Variants in MAL observed in about 807,000 individuals in gnomAD.
MAL encodes mal, T cell differentiation protein (MAL blood group).
A neutral mutation model predicts 16.7 loss-of-function variants in MAL; 5 were observed. The ratio of observed to expected loss-of-function variants is 0.30; its 90% CI spans 0.16 to 0.63. The LOEUF is 0.63. MAL is among the 30% of genes least tolerant of loss of function. The probability of loss-of-function intolerance (pLI) is 0.82; values close to 1 mark genes in which losing one functional copy is unlikely to be tolerated. For missense variants in MAL, 202 were observed against 195.8 expected (o/e 1.03, Z -0.19); for synonymous variants, 96 against 85.5 (o/e 1.12, Z -0.67).
intron 3 of MAL, chr2:95,051,501 A>G (rs763902386): frequency 1.3e-5 from 2 of 152,374 alleles, no homozygotes; most frequent in South Asian, 2.1e-4. Flanking sequence ...TGAACTTCAT[A>G]TAAGTGGAAT....
At chr2:95,027,543 G>A (rs1385769304) in intron 1 of MAL, among the ~76,000 whole-genome samples, 2 of 152,154 alleles carry the variant, frequency 1.3e-5, no homozygotes, top group Non-Finnish European at 2.9e-5. Flanking sequence ...TAGATTAGGG[G>A]TGGGCTCGCA....
chr2:95,039,963 T>A (rs539324893), intron 1 of MAL, among the ~76,000 whole-genome samples: 25 of 152,270 alleles, frequency 1.6e-4, no homozygotes, highest in African/African-American at 6.0e-4. Context: ...GCCTTCAGCA[T>A]TTAGGGGTCT....
intron 1 of MAL, among the ~76,000 whole-genome samples, chr2:95,038,632 C>G (rs867759280): frequency 2.4e-3 from 192 of 78,988 alleles, no homozygotes; most frequent in Middle Eastern, 0.015. Flanking sequence ...GAGTGAGTGA[C>G]TGAGTGACTG....
At chr2:95,042,947 C>T (rs576631572) in intron 1 of MAL, among the ~76,000 whole-genome samples, 1 of 152,316 alleles carries the variant, frequency 6.6e-6, no homozygotes, top group Admixed American at 6.5e-5. Context: ...TGGAGCAGGG[C>T]AGGAACCAGA....
intron 1 of MAL, among the ~76,000 whole-genome samples, chr2:95,035,446 C>A (rs1246406874): frequency 2.0e-5 from 3 of 152,084 alleles, no homozygotes; most frequent in Non-Finnish European, 4.4e-5. Flanking sequence ...ATTTGTGGAT[C>A]TGAGAGGAGT....
chr2:95,047,072 C>T (rs1283409198), intron 1 of MAL, among the ~76,000 whole-genome samples: 1 of 151,984 alleles, frequency 6.6e-6, no homozygotes, highest in Non-Finnish European at 1.5e-5. Context: ...GGGCAGGGGA[C>T]TACTGACAGT....
chr2:95,038,640 CTGAG>C (rs1177808717), intron 1 of MAL, among the ~76,000 whole-genome samples: 4 of 70,162 alleles, frequency 5.7e-5, no homozygotes, highest in Non-Finnish European at 9.0e-5. Flanking sequence ...GACTGAGTGA[CTGAG>C]TGAGTGAGTG....
chr2:95,047,422 A>T (rs1674615779), intron 1 of MAL, among the ~76,000 whole-genome samples: 1 of 152,216 alleles, frequency 6.6e-6, no homozygotes, highest in Non-Finnish European at 1.5e-5. Flanking sequence ...TTAAACCCAT[A>T]TTTAAAAAGT....
At chr2:95,038,652 G>GTGAC (rs1674332076) in intron 1 of MAL, among the ~76,000 whole-genome samples, 1 of 151,340 alleles carries the variant, frequency 6.6e-6, no homozygotes, top group Non-Finnish European at 1.5e-5. Context: ...GAGTGAGTGA[G>GTGAC]TGACTGTGTG....
intron 1 of MAL, among the ~76,000 whole-genome samples, chr2:95,043,366 A>T (rs1674514970): frequency 6.6e-6 from 1 of 152,220 alleles, no homozygotes; most frequent in South Asian, 2.1e-4. Flanking sequence ...TCAGTGCCAG[A>T]AGCTTCATAC....
At chr2:95,041,690 C>T (rs1573296532) in intron 1 of MAL, among the ~76,000 whole-genome samples, 1 of 152,284 alleles carries the variant, frequency 6.6e-6, no homozygotes, top group South Asian at 2.1e-4. Context: ...ACCCTGGCTC[C>T]CAAGTGCACA....
In MAL at chr2:95,049,706, G is replaced by A; in HGVS notation, c.387G>A (p.Val129=). 6.2e-7 allele frequency: 1 copy of A among 1,614,160 alleles called. No individual in the cohort carries two copies. Among genetic ancestry groups the A allele is most frequent in the South Asian group, 1.1e-5 (1 of 91,078 alleles). ...YRHYHENIAA[V]VFSYIATLLY... ...ACTACCATGAAAACATTGCTGCCGT[G>A]GTGAGTCCGGGCACCTGGGGCTGTG... The change falls in exon 3 of 4, where the codon GTG becomes GTA. Residue 129 remains valine, a splice_region_variant and synonymous_variant. Coordinates refer to ENST00000309988, the MANE Select transcript of MAL (RefSeq NM_002371.4).
In MAL at chr2:95,049,600, C is replaced by CCGCT; in HGVS notation, c.282_285dup (p.Ala96ArgfsTer30). 1 of 1,614,256 alleles carries CCGCT rather than the reference C, an allele frequency of 6.2e-7. No individual in the cohort carries two copies. Among genetic ancestry groups the CCGCT allele is most frequent in the Non-Finnish European group, 8.5e-7 (1 of 1,180,044 alleles). On this transcript the variant is annotated frameshift_variant, in exon 3 of 4. Coordinates refer to ENST00000309988, the MANE Select transcript of MAL (RefSeq NM_002371.4). LOFTEE classifies it high-confidence loss of function. ...CCATAGGACGCAGCCTACCACTGCACCGCTGCCCTCTTTTACCTCAGCGCC... is the reference window on the plus strand; with the variant it reads ...CCATAGGACGCAGCCTACCACTGCACCGCTCGCTGCCCTCTTTTACCTCAGCGCC...
chr2:95,031,443 C>A (rs1351750024), intron 1 of MAL, among the ~76,000 whole-genome samples: 3 of 152,216 alleles, frequency 2.0e-5, no homozygotes, highest in Non-Finnish European at 4.4e-5. Flanking sequence ...GTTGAAGAAC[C>A]CGCATTGCAC....
At chr2:95,031,056 T>A (rs1445735913) in intron 1 of MAL, among the ~76,000 whole-genome samples, 1 of 152,102 alleles carries the variant, frequency 6.6e-6, no homozygotes, top group Non-Finnish European at 1.5e-5. Context: ...GCATGGGAAC[T>A]CCTAGGAGAC....
chr2:95,031,407 G>A (rs1674075304), intron 1 of MAL, among the ~76,000 whole-genome samples: 1 of 152,202 alleles, frequency 6.6e-6, no homozygotes. Flanking sequence ...CACCCTGCAG[G>A]TTCTGAGTCA....
chr2:95,036,530 C>G (rs1277451809), intron 1 of MAL, among the ~76,000 whole-genome samples: 1 of 152,240 alleles, frequency 6.6e-6, no homozygotes, highest in Admixed American at 6.5e-5. Context: ...TAAAGTGTGT[C>G]TTTGAATGAG....
chr2:95,037,800 CTAAG>C (rs528954675), intron 1 of MAL, among the ~76,000 whole-genome samples: 181 of 115,072 alleles, frequency 1.6e-3, no homozygotes, highest in African/African-American at 5.5e-3. Flanking sequence ...GTGTGAGTGA[CTAAG>C]TGAGTGAGTG....
intron 3 of MAL, among the ~76,000 whole-genome samples, chr2:95,050,368 G>A (rs182035523): frequency 2.0e-5 from 3 of 152,314 alleles, no homozygotes; most frequent in East Asian, 1.9e-4. Flanking sequence ...ACCAGTCTAC[G>A]ATATAAAACA....
Sources: allele counts gnomAD v4.1 joint callset (sites outside exome capture counted in the v4.1 genomes callset), GRCh38; gene constraint gnomAD v4.1.1; transcripts MANE v1.5; gene names NCBI Gene and HGNC (gene_info 2026-07-23, HGNC 2026-07-21).